Variants in ADAMTS20 observed in about 807,000 individuals in gnomAD.
ADAMTS20 encodes the protein A disintegrin and metalloproteinase with thrombospondin motifs 20.
Under a neutral mutation model 260.1 loss-of-function variants are expected in ADAMTS20, and 225 were observed. The ratio of observed to expected loss-of-function variants is 0.87; its 90% CI spans 0.78 to 0.97. ADAMTS20 has a LOEUF of 0.97. ADAMTS20 is among the 50% of genes least tolerant of loss of function. ADAMTS20 has a pLI of 0.00. For synonymous variants in ADAMTS20, 802 were observed against 769.5 expected (o/e 1.04, Z -0.70); for missense variants, 2,400 against 2,337.7 (o/e 1.03, Z -0.55).
intron 28 of ADAMTS20, among the ~76,000 whole-genome samples, chr12:43,415,601 A>T (rs1005370394): frequency 2.7e-4 from 41 of 152,330 alleles, no homozygotes; most frequent in African/African-American, 9.4e-4. Context: ...TATCCTTAAA[A>T]AATACCCTCC....
intron 7 of ADAMTS20, among the ~76,000 whole-genome samples, chr12:43,489,301 A>G (rs1010287753): frequency 2.0e-5 from 3 of 152,064 alleles, no homozygotes; most frequent in Non-Finnish European, 4.4e-5. Flanking sequence ...TCACACATAA[A>G]AGAATGAAAA....
chr12:43,441,856 G>A (rs1463588997), intron 16 of ADAMTS20, among the ~76,000 whole-genome samples: 1 of 151,928 alleles, frequency 6.6e-6, no homozygotes, highest in African/African-American at 2.4e-5. Context: ...AATATTGAAG[G>A]GATTATTGTA....
intron 11 of ADAMTS20, among the ~76,000 whole-genome samples, chr12:43,455,714 T>TC (rs1480174428): frequency 6.7e-5 from 10 of 149,476 alleles, no homozygotes; most frequent in Non-Finnish European, 1.2e-4. Context: ...CTTTCATCTT[T>TC]TTTTTTTTTT....
intron 3 of ADAMTS20, among the ~76,000 whole-genome samples, chr12:43,506,756 G>A (rs992219356): frequency 2.0e-5 from 3 of 151,124 alleles, no homozygotes; most frequent in African/African-American, 7.3e-5. Flanking sequence ...GGGATTACAG[G>A]CGTGAGCCAC....
chr12:43,389,954 G>A (rs1940563602), intron 29 of ADAMTS20, among the ~76,000 whole-genome samples: 1 of 152,228 alleles, frequency 6.6e-6, no homozygotes, highest in African/African-American at 2.4e-5. Flanking sequence ...CTGTGTGTCA[G>A]TGGAGATAGT....
intron 7 of ADAMTS20, among the ~76,000 whole-genome samples, chr12:43,476,090 A>G (rs1254345857): frequency 9.6e-5 from 9 of 93,356 alleles, no homozygotes; most frequent in African/African-American, 3.8e-4. Flanking sequence ...TTCACAACCT[A>G]CTCATCTGAC....
intron 6 of ADAMTS20, 149 bp downstream of exon 6, chr12:43,492,356 G>A (rs1225621010): frequency 7.5e-6 from 7 of 933,828 alleles, no homozygotes; most frequent in South Asian, 6.1e-5. Context: ...CTCCACCCTG[G>A]GCGACAGAGC....
At chr12:43,458,021 C>G (rs2137364336) in intron 11 of ADAMTS20, among the ~76,000 whole-genome samples, 1 of 152,356 alleles carries the variant, frequency 6.6e-6, no homozygotes, top group East Asian at 1.9e-4. Flanking sequence ...ATGCCCATGA[C>G]ATAGCCTCAG....
At chr12:43,455,154 T>C (rs1329224872) in intron 11 of ADAMTS20, among the ~76,000 whole-genome samples, 1 of 152,206 alleles carries the variant, frequency 6.6e-6, no homozygotes, top group East Asian at 1.9e-4. Flanking sequence ...ATAGTACTAG[T>C]CTTCATGTGA....
chr12:43,369,158 A>T (rs1940048560), intron 37 of ADAMTS20, 132 bp downstream of exon 37: 1 of 491,956 alleles, frequency 2.0e-6, no homozygotes, highest in Non-Finnish European at 3.3e-6. Flanking sequence ...CCTTTGAAAC[A>T]AAGCGCATAT....
intron 29 of ADAMTS20, among the ~76,000 whole-genome samples, chr12:43,390,276 T>C (rs1355863426): frequency 6.6e-6 from 1 of 152,234 alleles, no homozygotes; most frequent in Non-Finnish European, 1.5e-5. Flanking sequence ...CTCCCTGTTG[T>C]ACTGATAAAC....
chr12:43,529,660 G>C (rs1037166918), intron 3 of ADAMTS20, among the ~76,000 whole-genome samples: 10 of 152,110 alleles, frequency 6.6e-5, no homozygotes, highest in African/African-American at 1.9e-4. Context: ...AGAAGCGGGA[G>C]GGTAGGAGGG....
At position 43,375,579 on chromosome 12, in the gene ADAMTS20, G is replaced by T. The variant is rs1940208828; in HGVS notation, c.5313-67C>A. The T allele has an allele frequency of 1.9e-6, 3 of 1,546,922 alleles. No individual in the cohort carries two copies. In the South Asian group the frequency reaches 3.5e-5, roughly 18 times the overall value. ...GAGGCCATAATGTAGACAAACTTTG[G>T]GAGTAGAAAAATAAAACACACTCCT... On this transcript the variant is annotated intron_variant, in intron 35 of 38. Transcript: ENST00000389420.
intron 2 of ADAMTS20, among the ~76,000 whole-genome samples, chr12:43,542,459 T>A (rs966071617): frequency 6.6e-6 from 1 of 152,188 alleles, no homozygotes; most frequent in African/African-American, 2.4e-5. Context: ...ATTTTTAAAA[T>A]TTTTTACAAT....
chr12:43,444,133 A>C (rs183648363), intron 15 of ADAMTS20, among the ~76,000 whole-genome samples: 70 of 152,266 alleles, frequency 4.6e-4, no homozygotes, highest in African/African-American at 1.6e-3. Flanking sequence ...CCTACTTCTA[A>C]TATTCTTAAT....
intron 11 of ADAMTS20, among the ~76,000 whole-genome samples, chr12:43,460,786 G>T (rs1478754238): frequency 6.6e-6 from 1 of 151,190 alleles, no homozygotes; most frequent in South Asian, 2.1e-4. Flanking sequence ...TATGGATGAA[G>T]CTTAAAAATA....
At chr12:43,541,334 T>C (rs1029122245) in intron 2 of ADAMTS20, among the ~76,000 whole-genome samples, 1 of 152,224 alleles carries the variant, frequency 6.6e-6, no homozygotes, top group Non-Finnish European at 1.5e-5. Context: ...TCAGTTCCAT[T>C]GTCTGTAAAA....
intron 4 of ADAMTS20, among the ~76,000 whole-genome samples, chr12:43,501,477 G>GCACACACACACACACACA (rs1299065787): frequency 8.0e-5 from 5 of 62,264 alleles, no homozygotes; most frequent in South Asian, 6.7e-4. Context: ...GCGCGCGCGC[G>GCACACACACACACACACA]CGCGCACACA....
Position 43,550,924 on chromosome 12 carries a change from G to A in ADAMTS20, c.438C>T (p.Ser146=), listed in dbSNP as rs1433375734. 1.3e-6 allele frequency: 2 copies of A among 1,568,956 alleles called. No individual in the cohort carries two copies. Among genetic ancestry groups the A allele is most frequent in the Non-Finnish European group, 1.7e-6 (2 of 1,153,948 alleles). ...GGACACTCACCAGGCCTCCGCATAA[G>A]CTGACGACGGCCTTGTAATCCTCCT... The part of the protein sequence containing the change: ...NSQEDYKAVV[S]LCGGLTGTFK... The change falls in exon 2 of 39, where the codon AGC becomes AGT. Residue 146 remains serine (S), a synonymous_variant. Transcript: ENST00000389420.
Sources: allele counts gnomAD v4.1 joint callset (sites outside exome capture counted in the v4.1 genomes callset), GRCh38; gene constraint gnomAD v4.1.1; transcripts MANE v1.5; gene names NCBI Gene and HGNC (gene_info 2026-07-23, HGNC 2026-07-21).